The following PDE1A variants were observed in gnomAD, a reference collection of about 807,000 sequenced individuals.
The protein encoded by PDE1A is phosphodiesterase 1A.
PDE1A carries 35 observed loss-of-function variants against 61.7 expected under a neutral mutation model. The observed-to-expected ratio is 0.57, with a 90% CI of 0.43 to 0.75. The LOEUF (loss-of-function observed/expected upper bound fraction) is 0.75, where lower values mean the gene tolerates loss of function less well. PDE1A is among the 30% of genes least tolerant of loss of function. PDE1A has a pLI of 0.00. For synonymous variants in PDE1A, 232 were observed against 213.2 expected (o/e 1.09, Z -0.77); for missense variants, 597 against 630.6 (o/e 0.95, Z 0.57).
chr2:182,607,364 C>A, the PDE1A span, among the ~76,000 whole-genome samples: 2 of 152,120 alleles, frequency 1.3e-5, no homozygotes, highest in African/African-American at 4.8e-5. Flanking sequence ...GGCAGGAAAG[C>A]CAAAGTATGC....
In PDE1A at chr2:182,168,362, A is replaced by G. The variant is rs1293513485; in HGVS notation, c.1517-72T>C. The G allele has an allele frequency of 2.9e-6, 4 of 1,369,898 alleles. No homozygotes were observed. In the Admixed American group the frequency reaches 7.1e-5, roughly 24 times the overall value. 84.9% of individuals were successfully genotyped at this position (1,369,898 alleles called of 1,614,324 possible). A position where few individuals can be genotyped will look rare whatever the true frequency, so the allele number is the denominator to read the frequency against. On this transcript the variant is annotated intron_variant, in intron 13 of 13. Transcript: ENST00000351439. ...CTGTAAAGAAGTTATGAAAAAAAGT[A>G]ATTCTCATTTATAATCAGCCATGAT...
At chr2:182,248,895 C>A (rs1032920401) in intron 2 of PDE1A, among the ~76,000 whole-genome samples, 1 of 152,222 alleles carries the variant, frequency 6.6e-6, no homozygotes, top group Non-Finnish European at 1.5e-5. Context: ...TCATTCAGTT[C>A]TTTCCCCTAA....
chr2:182,281,273 GT>G (rs1187258879), intron 1 of PDE1A, among the ~76,000 whole-genome samples: 5 of 151,728 alleles, frequency 3.3e-5, no homozygotes, highest in African/African-American at 1.2e-4. Flanking sequence ...ACGGATGCTG[GT>G]TTTCTACTGC....
At chr2:182,214,018 G>A (rs1376928486) in intron 7 of PDE1A, among the ~76,000 whole-genome samples, 171 of 140,902 alleles carry the variant, frequency 1.2e-3, no homozygotes, top group African/African-American at 4.4e-3. Context: ...CAGCCAGAGA[G>A]AAAGGTCGGG....
chr2:182,240,564 C>T (rs1269023460), intron 2 of PDE1A, among the ~76,000 whole-genome samples: 9 of 152,018 alleles, frequency 5.9e-5, no homozygotes, highest in African/African-American at 1.2e-4. Flanking sequence ...CTAGAGGTAC[C>T]GACTGTTAAT....
chr2:182,168,318 T>C, intron 13 of PDE1A: 1 of 1,560,060 alleles, frequency 6.4e-7, no homozygotes, highest in Admixed American at 2.0e-5. Context: ...GTACTTATTT[T>C]AATAATTTAG....
intron 13 of PDE1A, 124 bp from the exon 14 acceptor site, chr2:182,147,276 G>A (rs1243999106): frequency 9.3e-6 from 5 of 535,188 alleles, no homozygotes; most frequent in Admixed American, 3.6e-5. Flanking sequence ...GGATTTTGTG[G>A]CACATTTTTT....
chr2:182,449,085 C>CAA (rs869156928), intron 2 of PDE1A, among the ~76,000 whole-genome samples: 1 of 149,484 alleles, frequency 6.7e-6, no homozygotes, highest in African/African-American at 2.5e-5. Context: ...CACACACACA[C>CAA]AAACAAAACC....
At chr2:182,625,543 A>G in the PDE1A span, among the ~76,000 whole-genome samples, 1 of 152,228 alleles carries the variant, frequency 6.6e-6, no homozygotes. Context: ...GGAACAGGAT[A>G]GAGGTAGTAC....
chr2:182,546,339 T>C, the PDE1A span, among the ~76,000 whole-genome samples: 2 of 151,900 alleles, frequency 1.3e-5, no homozygotes, highest in African/African-American at 4.8e-5. Flanking sequence ...TTATATCCAT[T>C]CCAAGAGACC....
At chr2:182,305,489 C>T (rs1394370341) in intron 1 of PDE1A, among the ~76,000 whole-genome samples, 1 of 152,136 alleles carries the variant, frequency 6.6e-6, no homozygotes, top group Non-Finnish European at 1.5e-5. Flanking sequence ...CTGATCCCTG[C>T]TCTAAATTAA....
the PDE1A span, among the ~76,000 whole-genome samples, chr2:182,677,932 T>C: frequency 5.3e-5 from 8 of 152,180 alleles, no homozygotes; most frequent in African/African-American, 1.9e-4. Context: ...AGGAATTCTA[T>C]ACTCCTTCCT....
At chr2:182,648,279 C>T in the PDE1A span, among the ~76,000 whole-genome samples, 3 of 151,826 alleles carry the variant, frequency 2.0e-5, no homozygotes, top group Admixed American at 6.6e-5. Context: ...CTTAATAAGA[C>T]GGTCCAGTTG....
intron 1 of PDE1A, among the ~76,000 whole-genome samples, chr2:182,330,344 TAAA>T (rs11340321): frequency 1.4e-5 from 2 of 147,790 alleles, no homozygotes; most frequent in African/African-American, 2.5e-5. Context: ...AACTCAGTCT[TAAA>T]AAAAAAAAAA....
chr2:182,702,108 G>T, the PDE1A span, among the ~76,000 whole-genome samples: 3 of 152,038 alleles, frequency 2.0e-5, no homozygotes, highest in Admixed American at 1.3e-4. Context: ...CTTATTTATT[G>T]ATTGATTGAT....
At chr2:182,342,996 T>C (rs1698293857) in intron 1 of PDE1A, among the ~76,000 whole-genome samples, 1 of 152,196 alleles carries the variant, frequency 6.6e-6, no homozygotes, top group Admixed American at 6.5e-5. Context: ...TGTTTGTGTG[T>C]GAATACATGT....
chr2:182,296,967 T>G, intron 1 of PDE1A, among the ~76,000 whole-genome samples: 1 of 152,182 alleles, frequency 6.6e-6, no homozygotes. Flanking sequence ...CACAGGCTGC[T>G]CTGGTTCTCA....
At chr2:182,563,904 T>G in the PDE1A span, among the ~76,000 whole-genome samples, 3 of 152,198 alleles carry the variant, frequency 2.0e-5, no homozygotes, top group Non-Finnish European at 4.4e-5. Context: ...TTCCATTTGC[T>G]TGGTAGATCT....
chr2:182,295,266 G>A (rs1170991064), intron 1 of PDE1A, among the ~76,000 whole-genome samples: 2 of 151,388 alleles, frequency 1.3e-5, no homozygotes, highest in African/African-American at 4.9e-5. Context: ...AGTAGAGACG[G>A]GGTTTCACCT....
Sources: gnomAD v4.1 joint callset for allele counts (sites outside exome capture counted in the v4.1 genomes callset) on GRCh38, gnomAD v4.1.1 for gene constraint, MANE v1.5 for transcripts, NCBI Gene and HGNC (gene_info 2026-07-23, HGNC 2026-07-21) for gene names.